CTNNA3: variants seen among roughly 807,000 people sequenced by gnomAD.
The protein encoded by CTNNA3 is catenin alpha-3.
A neutral mutation model predicts 95.7 loss-of-function variants in CTNNA3; 76 were observed. That is an observed-to-expected ratio of 0.79 (90% CI 0.66 to 0.96). The LOEUF (loss-of-function observed/expected upper bound fraction) is 0.96. Ranked by LOEUF, CTNNA3 falls within the 40% of genes least tolerant of loss-of-function variation. The probability of loss-of-function intolerance (pLI) is 0.00; values close to 1 mark genes in which losing one functional copy is unlikely to be tolerated. For synonymous variants in CTNNA3, 431 were observed against 374.4 expected (o/e 1.15, Z -1.74); for missense variants, 1,191 against 1,089.8 (o/e 1.09, Z -1.31).
At chr10:66,120,438 A>G (rs1348464990) in intron 13 of CTNNA3, among the ~76,000 whole-genome samples, 2 of 152,140 alleles carry the variant, frequency 1.3e-5, no homozygotes, top group Admixed American at 6.5e-5. Context: ...ATAATGTAGA[A>G]AATTTGTCCT....
At chr10:66,597,552 A>G (rs199950833) in intron 10 of CTNNA3, among the ~76,000 whole-genome samples, 1 of 130,550 alleles carries the variant, frequency 7.7e-6, no homozygotes, top group East Asian at 2.6e-4. Context: ...ATATATATAT[A>G]TATTTATTAA....
intron 5 of CTNNA3, among the ~76,000 whole-genome samples, chr10:67,388,669 G>C (rs1811152878): frequency 6.6e-6 from 1 of 151,188 alleles, no homozygotes; most frequent in Admixed American, 6.6e-5. Flanking sequence ...AGAAAGGTCG[G>C]GTTACCCTCA....
intron 1 of CTNNA3, among the ~76,000 whole-genome samples, chr10:67,650,959 C>T (rs10997770): frequency 6.6e-6 from 1 of 151,928 alleles, no homozygotes; most frequent in Non-Finnish European, 1.5e-5. Context: ...ACCACCACCC[C>T]CTCCCCCACT....
intron 12 of CTNNA3, among the ~76,000 whole-genome samples, chr10:66,353,227 A>G (rs1589129280): frequency 1.3e-5 from 2 of 152,120 alleles, no homozygotes; most frequent in Non-Finnish European, 2.9e-5. Context: ...TTAAAATAGA[A>G]TAGATTCATG....
chr10:66,973,546 C>T (rs561671870), intron 7 of CTNNA3, among the ~76,000 whole-genome samples: 1 of 152,294 alleles, frequency 6.6e-6, no homozygotes, highest in East Asian at 1.9e-4. Context: ...GTAACATTCT[C>T]ATTTATAATT....
chr10:66,196,427 T>C (rs780187528), intron 13 of CTNNA3, among the ~76,000 whole-genome samples: 8 of 152,166 alleles, frequency 5.3e-5, no homozygotes, highest in Non-Finnish European at 1.2e-4. Context: ...AAGACCCAAC[T>C]GGTTGCTTGG....
At chr10:66,164,259 T>C (rs1250309073) in intron 13 of CTNNA3, among the ~76,000 whole-genome samples, 1 of 152,180 alleles carries the variant, frequency 6.6e-6, no homozygotes, top group African/African-American at 2.4e-5. Flanking sequence ...ATATAGTAAA[T>C]ACCATCAAGA....
At chr10:67,550,756 G>A (rs1023926467) in intron 3 of CTNNA3, among the ~76,000 whole-genome samples, 1 of 146,682 alleles carries the variant, frequency 6.8e-6, no homozygotes, top group African/African-American at 2.7e-5. Flanking sequence ...TTAGTTCTCA[G>A]AGAAACATAC....
intron 2 of CTNNA3, among the ~76,000 whole-genome samples, chr10:67,643,910 C>T (rs1425266281): frequency 6.6e-6 from 1 of 152,196 alleles, no homozygotes; most frequent in Non-Finnish European, 1.5e-5. Flanking sequence ...ATATGTGCCA[C>T]ATTTTCTTTA....
intron 10 of CTNNA3, among the ~76,000 whole-genome samples, chr10:66,548,992 TTTTTTTTTTTG>T (rs1187902995): frequency 2.6e-5 from 1 of 38,964 alleles, no homozygotes; most frequent in East Asian, 1.0e-3. Flanking sequence ...TTTTTTTTTT[TTTTTTTTTTTG>T]TTTGAGACGG....
chr10:65,992,033 G>C (rs995382611), intron 15 of CTNNA3, among the ~76,000 whole-genome samples: 1 of 151,824 alleles, frequency 6.6e-6, no homozygotes, highest in African/African-American at 2.4e-5. Context: ...TCATTCTTTT[G>C]ATATGATGTA....
chr10:66,998,907 C>A (rs1368327534), intron 7 of CTNNA3, among the ~76,000 whole-genome samples: 2 of 152,082 alleles, frequency 1.3e-5, no homozygotes, highest in African/African-American at 2.4e-5. Flanking sequence ...AACACACATT[C>A]ACTTAAATAC....
At position 66,563,779 on chromosome 10, in the gene CTNNA3, C is replaced by T. The variant is rs180761047; in HGVS notation, c.1375-43006G>A. On this transcript the variant is annotated intron_variant, in intron 10 of 17. Transcript: ENST00000433211. ...AATGCACATCTGATTGCTTCCTTTG[C>T]CCTATTGTTTCACGAAGCCAGACTA... Among the ~76,000 whole-genome samples the T allele has an allele frequency of 5.2e-4, 79 of 152,154 alleles. 1 individual carries two copies. The highest frequency in any genetic ancestry group is 1.9e-3 in the African/African-American group (77 of 41,532).
chr10:66,062,594 G>T (rs2080225344), intron 15 of CTNNA3, among the ~76,000 whole-genome samples: 1 of 152,080 alleles, frequency 6.6e-6, no homozygotes, highest in Admixed American at 6.6e-5. Flanking sequence ...TAGAAGTAAA[G>T]AACAGATTTC....
intron 2 of CTNNA3, among the ~76,000 whole-genome samples, chr10:67,608,199 C>T (rs755191939): frequency 3.9e-5 from 6 of 152,012 alleles, no homozygotes; most frequent in African/African-American, 1.2e-4. Flanking sequence ...TGGACTTTGT[C>T]CCCTGAAGCA....
intron 5 of CTNNA3, among the ~76,000 whole-genome samples, chr10:67,498,984 G>A (rs1165734302): frequency 1.3e-5 from 2 of 152,174 alleles, no homozygotes; most frequent in African/African-American, 2.4e-5. Context: ...GAATAGGAGT[G>A]GTGAGAGAGG....
intron 7 of CTNNA3, among the ~76,000 whole-genome samples, chr10:66,895,054 C>CAAAAAAAAAAAAAAAAA (rs537843933): frequency 8.7e-6 from 1 of 115,582 alleles, no homozygotes; most frequent in African/African-American, 3.4e-5. Context: ...AACAAATAAA[C>CAAAAAAAAAAAAAAAAA]AAAAAAAAAA....
At chr10:67,360,336 A>T (rs10823033) in intron 5 of CTNNA3, among the ~76,000 whole-genome samples, 105,980 of 151,252 alleles carry the variant, frequency 0.7, 41,864 homozygotes, top group Non-Finnish European at 0.88. Flanking sequence ...TCATGACTGG[A>T]TCAAAACCTC....
At chr10:66,248,607 A>G (rs544678328) in intron 13 of CTNNA3, among the ~76,000 whole-genome samples, 2 of 152,302 alleles carry the variant, frequency 1.3e-5, no homozygotes, top group Admixed American at 6.5e-5. Flanking sequence ...CTTATATGAG[A>G]CAAAGTAGAC....
Sources: allele counts gnomAD v4.1 joint callset (sites outside exome capture counted in the v4.1 genomes callset), GRCh38; gene constraint gnomAD v4.1.1; transcripts MANE v1.5; gene names NCBI Gene and HGNC (gene_info 2026-07-23, HGNC 2026-07-21).